The following NOL4 variants were observed in gnomAD, a reference collection of about 807,000 sequenced individuals.
The protein encoded by NOL4 is nucleolar protein 4.
Under a neutral mutation model 75.9 loss-of-function variants are expected in NOL4, and 17 were observed. The ratio of observed to expected loss-of-function variants is 0.22; its 90% CI spans 0.15 to 0.34. The LOEUF is 0.34. NOL4 is among the 10% of genes least tolerant of loss of function. NOL4 has a pLI of 1.00. For missense variants in NOL4, 614 were observed against 793.5 expected (o/e 0.77, Z 2.72); for synonymous variants, 292 against 289.9 (o/e 1.01, Z -0.07).
chr18:34,219,595 T>G (rs1419168361), intron 1 of NOL4, among the ~76,000 whole-genome samples: 3 of 152,242 alleles, frequency 2.0e-5, no homozygotes, highest in Non-Finnish European at 2.9e-5. Flanking sequence ...GTTACCATAG[T>G]TAAGTGAATT....
intron 2 of NOL4, among the ~76,000 whole-genome samples, chr18:34,118,835 G>T (rs559112177): frequency 6.6e-6 from 1 of 152,232 alleles, no homozygotes; most frequent in East Asian, 1.9e-4. Context: ...GTACATCATT[G>T]TACTACTGCA....
chr18:34,178,592 G>A (rs890261774), intron 1 of NOL4, among the ~76,000 whole-genome samples: 7 of 151,612 alleles, frequency 4.6e-5, no homozygotes. Flanking sequence ...TAAGGCAAAA[G>A]TTGTACTATA....
Position 34,041,441 on chromosome 18 carries a change from T to A in NOL4, c.773-21840A>T, listed in dbSNP as rs565515155. Among the ~76,000 whole-genome samples, 6 of 151,746 alleles carry A rather than the reference T, an allele frequency of 4.0e-5. No individual in the cohort carries two copies. The South Asian group carries it at 1.2e-3, about 31-fold the overall frequency. ...TTAATATCCTCCTCTATGTGGCAGGTGTTAAGGGAAGCACATGTCTCTTTC... is the reference window on the plus strand; with the variant it reads ...TTAATATCCTCCTCTATGTGGCAGGAGTTAAGGGAAGCACATGTCTCTTTC... On this transcript the variant is annotated intron_variant, in intron 5 of 10. Transcript: ENST00000261592.
At chr18:34,182,917 ATAGAG>A (rs2034155185) in intron 1 of NOL4, among the ~76,000 whole-genome samples, 1 of 151,842 alleles carries the variant, frequency 6.6e-6, no homozygotes, top group Non-Finnish European at 1.5e-5. Context: ...AAAATGAACT[ATAGAG>A]TAAATTTAAA....
chr18:33,863,548 T>C (rs536501229), intron 10 of NOL4, among the ~76,000 whole-genome samples: 10 of 152,164 alleles, frequency 6.6e-5, no homozygotes, highest in Non-Finnish European at 1.3e-4. Context: ...TGAAACCCAG[T>C]TGGGCAGTCA....
In NOL4 at chr18:33,871,477, G is replaced by T. The variant is rs1428699062; in HGVS notation, c.1723+11767C>A. Among the ~76,000 whole-genome samples the T allele has an allele frequency of 2.6e-5, 4 of 152,120 alleles. No individual in the cohort carries two copies. The East Asian group carries it at 5.8e-4, about 22-fold the overall frequency. ...AGAACCCCTTCCTAAGTGGCAGAGG[G>T]CTGGTGAGACCAGTGATATTTAACT... On this transcript the variant is annotated intron_variant, in intron 10 of 10. Transcript: ENST00000261592.
intron 1 of NOL4, among the ~76,000 whole-genome samples, chr18:34,136,334 T>C (rs1237886722): frequency 6.6e-6 from 1 of 152,150 alleles, no homozygotes; most frequent in Non-Finnish European, 1.5e-5. Flanking sequence ...CTGGTGAATC[T>C]AGCCAGGAAA....
chr18:34,112,193 A>G (rs2145755402), intron 2 of NOL4, among the ~76,000 whole-genome samples: 1 of 152,074 alleles, frequency 6.6e-6, no homozygotes, highest in Admixed American at 6.6e-5. Flanking sequence ...ACATGATGAA[A>G]CCTTATCTCT....
At chr18:33,861,791 C>G (rs1380044283) in intron 10 of NOL4, among the ~76,000 whole-genome samples, 1 of 152,066 alleles carries the variant, frequency 6.6e-6, no homozygotes, top group Non-Finnish European at 1.5e-5. Context: ...AATGGAAGAA[C>G]ATTCCATGCT....
intron 1 of NOL4, among the ~76,000 whole-genome samples, chr18:34,149,722 T>C (rs915376288): frequency 6.6e-6 from 1 of 151,676 alleles, no homozygotes; most frequent in Non-Finnish European, 1.5e-5. Context: ...TGTGGCACCC[T>C]TTGGAGAAAG....
At chr18:34,162,408 C>A (rs1018365570) in intron 1 of NOL4, among the ~76,000 whole-genome samples, 1 of 152,118 alleles carries the variant, frequency 6.6e-6, no homozygotes, top group Non-Finnish European at 1.5e-5. Flanking sequence ...AAGGGGATAT[C>A]ACTACCAATC....
At chr18:33,985,682 T>A (rs1428901578) in intron 6 of NOL4, among the ~76,000 whole-genome samples, 2 of 152,122 alleles carry the variant, frequency 1.3e-5, no homozygotes. Flanking sequence ...AGGGGTGAAA[T>A]AAAGTGCTAT....
chr18:34,059,120 T>TAC (rs1228590773), intron 5 of NOL4, among the ~76,000 whole-genome samples: 1 of 86,314 alleles, frequency 1.2e-5, no homozygotes, highest in African/African-American at 3.9e-5. Context: ...TAGATAGATA[T>TAC]ACATATATAT....
intron 6 of NOL4, among the ~76,000 whole-genome samples, chr18:33,973,879 C>A (rs2071276549): frequency 6.6e-6 from 1 of 151,502 alleles, no homozygotes; most frequent in South Asian, 2.1e-4. Flanking sequence ...TTAGCAAATT[C>A]TTAAGGGCCG....
chr18:33,904,340 GA>G (rs2065908099), intron 9 of NOL4, among the ~76,000 whole-genome samples: 1 of 151,844 alleles, frequency 6.6e-6, no homozygotes, highest in Non-Finnish European at 1.5e-5. Flanking sequence ...GTATATAAAC[GA>G]AAAAAGTAGA....
chr18:34,092,404 G>A (rs2078567432), intron 5 of NOL4, among the ~76,000 whole-genome samples: 1 of 152,008 alleles, frequency 6.6e-6, no homozygotes, highest in Non-Finnish European at 1.5e-5. Flanking sequence ...TGCTAACAAG[G>A]ACACCAGCAT....
At chr18:34,106,865 G>A (rs1264820081) in intron 2 of NOL4, among the ~76,000 whole-genome samples, 1 of 151,938 alleles carries the variant, frequency 6.6e-6, no homozygotes, top group East Asian at 1.9e-4. Context: ...TATAATGCAT[G>A]CTTCATCCTT....
At chr18:34,137,233 C>T (rs532529311) in intron 1 of NOL4, among the ~76,000 whole-genome samples, 19 of 152,090 alleles carry the variant, frequency 1.2e-4, no homozygotes, top group Middle Eastern at 3.4e-3. Context: ...CCTTGGGTAA[C>T]GCAAAGTCCT....
chr18:34,104,349 C>T (rs765570527), intron 3 of NOL4, among the ~76,000 whole-genome samples, 190 bp from the exon 4 acceptor site: 4 of 151,986 alleles, frequency 2.6e-5, no homozygotes, highest in Non-Finnish European at 4.4e-5. Flanking sequence ...CACTGTTTAA[C>T]AGTACTAATA....
Sources: allele counts gnomAD v4.1 joint callset (sites outside exome capture counted in the v4.1 genomes callset), GRCh38; gene constraint gnomAD v4.1.1; transcripts MANE v1.5; gene names NCBI Gene and HGNC (gene_info 2026-07-23, HGNC 2026-07-21).